GDPD5: variants seen among roughly 807,000 people sequenced by gnomAD.
GDPD5 encodes the protein glycerophosphodiester phosphodiesterase domain containing 5, also known as glycerophosphodiester phosphodiesterase 2.
Under a neutral mutation model 75.1 loss-of-function variants are expected in GDPD5, and 48 were observed. That is an observed-to-expected ratio of 0.64 (90% confidence interval 0.51 to 0.81). The LOEUF is 0.81. Ranked by LOEUF, GDPD5 falls within the 40% of genes least tolerant of loss-of-function variation. The pLI, the probability that GDPD5 is intolerant of heterozygous loss-of-function variation, is 0.00. For missense variants in GDPD5, 706 were observed against 822.6 expected (o/e 0.86, Z 1.73); for synonymous variants, 336 against 339.0 (o/e 0.99, Z 0.10).
chr11:75,493,305 T>C (rs1950146366), intron 1 of GDPD5, among the ~76,000 whole-genome samples: 1 of 151,686 alleles, frequency 6.6e-6, no homozygotes, highest in African/African-American at 2.4e-5. Flanking sequence ...TGTCACATTA[T>C]ACTCATGTGA....
At chr11:75,476,392 G>A (rs937573040) in intron 3 of GDPD5, among the ~76,000 whole-genome samples, 29 of 151,194 alleles carry the variant, frequency 1.9e-4, no homozygotes, top group African/African-American at 5.6e-4. Context: ...CCAGTTCACC[G>A]TTGAGGGAGC....
chr11:75,442,276 C>T (rs934766768), intron 12 of GDPD5, 87 bp downstream of exon 12: 23 of 998,022 alleles, frequency 2.3e-5, no homozygotes, highest in Admixed American at 7.5e-5. Context: ...AGCTGAAGTC[C>T]GGAGTGCAAC....
intron 2 of GDPD5, among the ~76,000 whole-genome samples, chr11:75,484,574 T>G (rs2135397517): frequency 6.6e-6 from 1 of 152,312 alleles, no homozygotes; most frequent in East Asian, 1.9e-4. Context: ...TTTTAAGCCC[T>G]TAATAAATGT....
At chr11:75,481,311 C>T (rs1021140310) in intron 2 of GDPD5, among the ~76,000 whole-genome samples, 1 of 152,250 alleles carries the variant, frequency 6.6e-6, no homozygotes, top group Non-Finnish European at 1.5e-5. Flanking sequence ...CCCTCCAACA[C>T]CACCACCCAA....
At chr11:75,461,121 C>G (rs1235622581) in intron 4 of GDPD5, among the ~76,000 whole-genome samples, 1 of 152,048 alleles carries the variant, frequency 6.6e-6, no homozygotes, top group Admixed American at 6.5e-5. Context: ...GGTTGTGTGA[C>G]CATGAATGAG....
chr11:75,462,703 G>A (rs1441466153), intron 4 of GDPD5, 83 bp downstream of exon 4: 4 of 1,069,252 alleles, frequency 3.7e-6, no homozygotes, highest in Non-Finnish European at 5.6e-6. Flanking sequence ...CTGGGAGACA[G>A]GCTCTAACTC....
At chr11:75,470,056 C>T (rs907818758) in intron 3 of GDPD5, among the ~76,000 whole-genome samples, 12 of 152,296 alleles carry the variant, frequency 7.9e-5, no homozygotes, top group Middle Eastern at 3.4e-3. Flanking sequence ...GCTCAGAGCC[C>T]GGATCCTTAA....
intron 1 of GDPD5, among the ~76,000 whole-genome samples, chr11:75,523,162 G>C (rs74504986): frequency 6.6e-6 from 1 of 152,136 alleles, no homozygotes; most frequent in African/African-American, 2.4e-5. Flanking sequence ...TTTAATCCTC[G>C]CAACAACCTG....
intron 1 of GDPD5, chr11:75,517,513 G>A (rs368258415): frequency 1.3e-5 from 2 of 152,048 alleles, no homozygotes; most frequent in South Asian, 4.1e-4. Flanking sequence ...CCTGCGAGTG[G>A]TTGTGGTTCT....
intron 1 of GDPD5, among the ~76,000 whole-genome samples, chr11:75,518,876 A>AT (rs924360719): frequency 1.3e-5 from 2 of 151,822 alleles, no homozygotes; most frequent in African/African-American, 4.8e-5. Context: ...TCTTCGTGGC[A>AT]TTTTTTTTAA....
chr11:75,496,937 T>C (rs1259440626), intron 1 of GDPD5, among the ~76,000 whole-genome samples: 6 of 151,880 alleles, frequency 4.0e-5, no homozygotes, highest in East Asian at 3.9e-4. Flanking sequence ...TGTGCTACCA[T>C]ACCCGGCAAA....
intron 9 of GDPD5, 31 bp from the exon 10 acceptor site, chr11:75,444,526 C>A: frequency 1.3e-6 from 2 of 1,520,284 alleles, no homozygotes; most frequent in Non-Finnish European, 1.8e-6. Flanking sequence ...AAGGGAGAGC[C>A]AAGATTCAGC....
At chr11:75,458,256 C>T (rs773695397) in intron 4 of GDPD5, among the ~76,000 whole-genome samples, 4 of 152,184 alleles carry the variant, frequency 2.6e-5, no homozygotes, top group South Asian at 2.1e-4. Flanking sequence ...AAGATGCCAT[C>T]GATTGTCACT....
chr11:75,483,637 A>G (rs1229101850), intron 2 of GDPD5, among the ~76,000 whole-genome samples: 2 of 152,286 alleles, frequency 1.3e-5, no homozygotes, highest in East Asian at 1.9e-4. Context: ...CCCATCAGGG[A>G]ATGAGGACTA....
rs115582901 is a variant in GDPD5, at chr11:75,522,306, C to G, written c.-145+2904G>C. On this transcript the variant is annotated intron_variant, in intron 1 of 16. Transcript: ENST00000336898. ...TGGGATCATGTGTCTTTCCCATGCT[C>G]TCAGTGAGGCGGTGGCACAGCCAGG... 3.7e-3 allele frequency among the ~76,000 whole-genome samples: 565 copies of G among 152,302 alleles called. 5 individuals carry two copies. The highest frequency in any genetic ancestry group is 0.013 in the African/African-American group (547 of 41,556).
At chr11:75,467,773 C>T (rs376849240) in intron 3 of GDPD5, among the ~76,000 whole-genome samples, 179 of 152,170 alleles carry the variant, frequency 1.2e-3, no homozygotes, top group African/African-American at 4.0e-3. Context: ...AACCCAGAGG[C>T]CACTGCATCT....
At chr11:75,463,207 C>T (rs987630352) in intron 3 of GDPD5, among the ~76,000 whole-genome samples, 2 of 152,222 alleles carry the variant, frequency 1.3e-5, no homozygotes, top group African/African-American at 2.4e-5. Flanking sequence ...GCTCCCTTGG[C>T]GCTGGCACAG....
intron 1 of GDPD5, among the ~76,000 whole-genome samples, chr11:75,511,627 G>A (rs2135486341): frequency 6.6e-6 from 1 of 152,286 alleles, no homozygotes; most frequent in South Asian, 2.1e-4. Flanking sequence ...GACAAGGTCT[G>A]CAGGTTGAAG....
At chr11:75,485,849 A>G (rs954143360) in intron 2 of GDPD5, 1 of 152,258 alleles carries the variant, frequency 6.6e-6, no homozygotes, top group Non-Finnish European at 1.5e-5. Context: ...AACCCCCAAC[A>G]GTGCCAGGGC....
Sources: gnomAD v4.1 joint callset for allele counts (sites outside exome capture counted in the v4.1 genomes callset) on GRCh38, gnomAD v4.1.1 for gene constraint, MANE v1.5 for transcripts, NCBI Gene and HGNC (gene_info 2026-07-23, HGNC 2026-07-21) for gene names.